TCL1A: variants seen among roughly 807,000 people sequenced by gnomAD.
TCL1A encodes T-cell leukemia/lymphoma protein 1A.
In TCL1A, 9 loss-of-function variants were observed where a neutral mutation model predicts 16.9. The observed-to-expected ratio is 0.53, with a 90% CI of 0.32 to 0.93. TCL1A has a LOEUF of 0.93. Ranked by LOEUF, TCL1A falls within the 40% of genes least tolerant of loss-of-function variation. TCL1A has a pLI of 0.04. For missense variants in TCL1A, 139 were observed against 153.0 expected (o/e 0.91, Z 0.48); for synonymous variants, 69 against 63.2 (o/e 1.09, Z -0.44).
At position 95,714,105 on chromosome 14, in the gene TCL1A, T is replaced by G. The variant is rs1250030633; in HGVS notation, c.-39A>C. The G allele has an allele frequency of 6.2e-7, 1 of 1,608,046 alleles. No homozygotes were observed. The highest frequency in any genetic ancestry group is 8.5e-7 in the Non-Finnish European group (1 of 1,178,088). Reference sequence around the variant, plus strand: ...CGCCTAAGAAGCAAGAGCCAGAGCCTCTCAAGGCCGCTCGCTGGTCCCTGG... The same window carrying G: ...CGCCTAAGAAGCAAGAGCCAGAGCCGCTCAAGGCCGCTCGCTGGTCCCTGG... On this transcript the variant is annotated 5_prime_UTR_variant, in exon 1 of 4. Transcript: ENST00000402399.
rs1831188962 is a variant in TCL1A at position 95,710,651 on chromosome 14, A to G, written c.*237T>C. 6.6e-6 allele frequency: 1 copy of G among 152,460 alleles called. No individual in the cohort carries two copies. Among genetic ancestry groups the G allele is most frequent in the African/African-American group, 2.4e-5 (1 of 41,448 alleles). The allele number at this position is 152,460 out of a possible 1,614,324, so 9.4% of individuals were successfully genotyped here. A position where few individuals can be genotyped will look rare whatever the true frequency, so the allele number is the denominator to read the frequency against. On this transcript the variant is annotated 3_prime_UTR_variant, in exon 4 of 4. Coordinates refer to ENST00000402399, the MANE Select transcript of TCL1A (RefSeq NM_021966.3). ...GGGCACCTGGAAGAAGCTCTGCCAA[A>G]TGGAATCCTCCTTGGCAGGAGTGGT...
At chr14:95,712,733 G>C in intron 1 of TCL1A, 1 of 1,295,046 alleles carries the variant, frequency 7.7e-7, no homozygotes. Context: ...CTTGAGGCCA[G>C]GAGTTTAAGA....
chr14:95,714,110 A>G lies in TCL1A; in HGVS notation c.-44T>C. 3 of 1,607,022 alleles carry G rather than the reference A, an allele frequency of 1.9e-6. No homozygotes were observed. The South Asian group carries it at 3.3e-5, about 18-fold the overall frequency. On this transcript the variant is annotated 5_prime_UTR_variant, in exon 1 of 4. Transcript: ENST00000402399. ...AAGAAGCAAGAGCCAGAGCCTCTCA[A>G]GGCCGCTCGCTGGTCCCTGGGATGT...
intron 1 of TCL1A, among the ~76,000 whole-genome samples, chr14:95,713,082 A>T (rs75659766): frequency 6.6e-6 from 1 of 152,346 alleles, no homozygotes; most frequent in African/African-American, 2.4e-5. Flanking sequence ...TGAAATGCCA[A>T]TAAAAATGCA....
At chr14:95,713,663 AC>A in intron 1 of TCL1A, among the ~76,000 whole-genome samples, 1 of 152,232 alleles carries the variant, frequency 6.6e-6, no homozygotes, top group South Asian at 2.1e-4. Context: ...AAGGATTAGG[AC>A]CCCGAAGCCC....
rs558965307 is a variant in TCL1A, at chr14:95,710,844, C to T, written c.*44G>A. ...ATCCCCATTGTAGGCTGGCCAGGCTCAGGCCCTGGGGTGAAAGGAGACAGG... is the reference window on the plus strand; with the variant it reads ...ATCCCCATTGTAGGCTGGCCAGGCTTAGGCCCTGGGGTGAAAGGAGACAGG... On this transcript the variant is annotated 3_prime_UTR_variant, in exon 4 of 4. Coordinates refer to ENST00000402399, the MANE Select transcript of TCL1A (RefSeq NM_021966.3). 6.5e-6 allele frequency: 1 copy of T among 153,022 alleles called. No individual in the cohort carries two copies. Among genetic ancestry groups the T allele is most frequent in the Non-Finnish European group, 1.5e-5 (1 of 68,696 alleles). The allele number at this position is 153,022 out of a possible 1,614,324, so 9.5% of individuals were successfully genotyped here.
intron 1 of TCL1A, among the ~76,000 whole-genome samples, chr14:95,713,534 A>C (rs1555368795): frequency 1.3e-5 from 2 of 152,320 alleles, no homozygotes; most frequent in East Asian, 1.9e-4. Context: ...AGTGTTTGCT[A>C]TGCCTGGTTG....
chr14:95,713,454 G>A (rs760965203), intron 1 of TCL1A, among the ~76,000 whole-genome samples: 2 of 152,072 alleles, frequency 1.3e-5, no homozygotes, highest in Admixed American at 6.5e-5. Flanking sequence ...CTTATACTAC[G>A]ACATCACTTG....
chr14:95,711,735 C>T lies in TCL1A; in HGVS notation c.*6+14G>A, dbSNP rs376401914. 4 of 1,612,724 alleles carry T rather than the reference C, an allele frequency of 2.5e-6. No homozygotes were observed. The highest frequency in any genetic ancestry group is 3.4e-6 in the Non-Finnish European group (4 of 1,179,756). On this transcript the variant is annotated intron_variant, in intron 3 of 3. Coordinates refer to ENST00000402399, the MANE Select transcript of TCL1A (RefSeq NM_021966.3). ...ACTGTGGACTAAGAGGGGTCAGGCT[C>T]CAGTGGAGCTCACCATACATCAGTC...
chr14:95,713,518 T>C (rs577589953), intron 1 of TCL1A, among the ~76,000 whole-genome samples: 5 of 152,366 alleles, frequency 3.3e-5, no homozygotes, highest in South Asian at 2.1e-4. Context: ...CTTCACACTC[T>C]AGGCCAGTGT....
chr14:95,712,060 T>A, intron 2 of TCL1A, 160 bp downstream of exon 2: 2 of 996,976 alleles, frequency 2.0e-6, no homozygotes, highest in Non-Finnish European at 3.0e-6. Flanking sequence ...AGGATCTATC[T>A]TCTCTCTGGT....
At chr14:95,713,360 T>G (rs185836197) in intron 1 of TCL1A, among the ~76,000 whole-genome samples, 1 of 152,366 alleles carries the variant, frequency 6.6e-6, no homozygotes, top group African/African-American at 2.4e-5. Flanking sequence ...CTTATCTATT[T>G]CTTTAACAAA....
chr14:95,713,667 C>T (rs1302377934), intron 1 of TCL1A, among the ~76,000 whole-genome samples: 1 of 152,182 alleles, frequency 6.6e-6, no homozygotes, highest in African/African-American at 2.4e-5. Context: ...ATTAGGACCC[C>T]GAAGCCCAGA....
At chr14:95,713,559 A>G (rs565405196) in intron 1 of TCL1A, among the ~76,000 whole-genome samples, 1 of 152,280 alleles carries the variant, frequency 6.6e-6, no homozygotes, top group Non-Finnish European at 1.5e-5. Flanking sequence ...TAAACTGTTG[A>G]GGGTTCTTTT....
intron 2 of TCL1A, 108 bp downstream of exon 2, chr14:95,712,112 T>G (rs974174749): frequency 1.5e-6 from 2 of 1,373,268 alleles, no homozygotes; most frequent in African/African-American, 2.9e-5. Context: ...TCCCCCATTT[T>G]TTAATGCTTT....
rs73350139 is a variant in TCL1A at position 95,711,776 on chromosome 14, G to A, written c.324C>T (p.Leu108=). 2.5e-4 allele frequency: 396 copies of A among 1,612,750 alleles called. No individual in the cohort carries two copies. The African/African-American group carries it at 4.9e-3, about 20-fold the overall frequency. Residue 108 remains leucine (L), a synonymous_variant, in exon 3 of 4, where the codon CTC becomes CTT. Transcript: ENST00000402399. ...TACATCAGTCATCTGGCAGCAGCTC[G>A]AGAAGCATGTCCTCCACGCCGTCAA... is the stretch of plus-strand genomic sequence containing the variant. ...IKIDGVEDML[L]ELLPDD
intron 1 of TCL1A, chr14:95,712,628 CAG>C: frequency 3.4e-6 from 5 of 1,477,346 alleles, no homozygotes; most frequent in Non-Finnish European, 3.6e-6. Context: ...TCTAGCCACC[CAG>C]ACAGGGCCAT....
Position 95,710,547 on chromosome 14 carries a change from GTGCTGTGA to G in TCL1A, c.*333_*340del, listed in dbSNP as rs1886320910. On this transcript the variant is annotated 3_prime_UTR_variant, in exon 4 of 4. Transcript: ENST00000402399. ...AGTGGGTGTGCAACATGAAATACTA[GTGCTGTGA>G]GGGACAGAAGGGACAGAAAGAGGCT... 6.6e-6 allele frequency: 1 copy of G among 152,332 alleles called. No individual in the cohort carries two copies. The highest frequency in any genetic ancestry group is 1.5e-5 in the Non-Finnish European group (1 of 68,306). 9.4% of individuals were successfully genotyped at this position (152,332 alleles called of 1,614,324 possible).
intron 3 of TCL1A, among the ~76,000 whole-genome samples, chr14:95,711,252 G>A (rs775614862): frequency 1.6e-4 from 24 of 145,700 alleles, no homozygotes; most frequent in Non-Finnish European, 3.1e-4. Flanking sequence ...GAGGTCAGGA[G>A]ATCGAGACCA....
Sources: gnomAD v4.1 joint callset for allele counts (sites outside exome capture counted in the v4.1 genomes callset) on GRCh38, gnomAD v4.1.1 for gene constraint, MANE v1.5 for transcripts, NCBI Gene and HGNC (gene_info 2026-07-23, HGNC 2026-07-21) for gene names.